Variants in ALG9 observed in about 807,000 individuals in gnomAD.
ALG9 encodes the protein alpha-1,2-mannosyltransferase ALG9.
Under a neutral mutation model 81.8 loss-of-function variants are expected in ALG9, and 55 were observed. The observed-to-expected ratio is 0.67, with a 90% CI of 0.54 to 0.84. The LOEUF is 0.84. Ranked by LOEUF, ALG9 falls within the 40% of genes least tolerant of loss-of-function variation. The pLI, the probability that ALG9 is intolerant of heterozygous loss-of-function variation, is 0.00. For missense variants in ALG9, 629 were observed against 745.0 expected (o/e 0.84, Z 1.81); for synonymous variants, 278 against 274.3 (o/e 1.01, Z -0.13).
At chr11:111,803,288 G>A (rs1591889208) in intron 14 of ALG9, among the ~76,000 whole-genome samples, 2 of 152,074 alleles carry the variant, frequency 1.3e-5, no homozygotes, top group East Asian at 3.9e-4. Flanking sequence ...GATCACTTGA[G>A]TTCAGGAGTT....
intron 5 of ALG9, among the ~76,000 whole-genome samples, chr11:111,860,284 A>T (rs1959604486): frequency 6.6e-6 from 1 of 152,214 alleles, no homozygotes; most frequent in South Asian, 2.1e-4. Context: ...AAATCATTTC[A>T]TCTACGTTTC....
At chr11:111,811,249 T>C (rs1290718639) in intron 13 of ALG9, among the ~76,000 whole-genome samples, 2 of 152,104 alleles carry the variant, frequency 1.3e-5, no homozygotes, top group Admixed American at 1.3e-4. Flanking sequence ...TAAAAAAGTA[T>C]AGAATCTTAT....
chr11:111,769,535 C>T, the ALG9 span: 1 of 151,948 alleles, frequency 6.6e-6, no homozygotes, highest in East Asian at 1.9e-4. Flanking sequence ...GGGAGGATCA[C>T]TTGAGCCTGG....
chr11:111,786,009 G>C lies in ALG9; in HGVS notation c.*388C>G. The C allele has an allele frequency of 2.2e-6, 1 of 457,184 alleles. No individual in the cohort carries two copies. The highest frequency in any genetic ancestry group is 1.5e-5 in the South Asian group (1 of 64,574). The allele number at this position is 457,184 out of a possible 1,614,324, so 28.3% of individuals were successfully genotyped here. A position where few individuals can be genotyped will look rare whatever the true frequency, so the allele number is the denominator to read the frequency against. On this transcript the variant is annotated 3_prime_UTR_variant, in exon 15 of 15. Transcript: ENST00000616540. The stretch of plus-strand genomic sequence containing the variant: ...AGGCTTGCTAGTTCTCAGATGCCAG[G>C]CCAGAGTGTGGAGAACAGCTTATCA...
At chr11:111,861,035 C>G (rs1262525924) in intron 4 of ALG9, among the ~76,000 whole-genome samples, 2 of 152,152 alleles carry the variant, frequency 1.3e-5, no homozygotes, top group South Asian at 2.1e-4. Flanking sequence ...GATAATAATA[C>G]AAACTTTGTA....
chr11:111,835,664 CATAGAAA>C (rs1433154360), intron 13 of ALG9, among the ~76,000 whole-genome samples: 8 of 152,292 alleles, frequency 5.3e-5, no homozygotes, highest in Non-Finnish European at 8.8e-5. Flanking sequence ...ATACATTTTA[CATAGAAA>C]ATAAAGAGGT....
At position 111,871,087 on chromosome 11, in the gene ALG9, G is replaced by T. The variant is rs142327552; in HGVS notation, c.131+265C>A. 282 of 1,206,120 alleles carry T rather than the reference G, an allele frequency of 2.3e-4. 2 individuals carry two copies. In the African/African-American group the frequency reaches 3.6e-3, roughly 15 times the overall value. The allele number at this position is 1,206,120 out of a possible 1,614,324, so 74.7% of individuals were successfully genotyped here. On this transcript the variant is annotated intron_variant, in intron 1 of 14. Coordinates refer to ENST00000616540, the MANE Select transcript of ALG9 (RefSeq NM_024740.2). ...CCTGTCTACATCTCCCACAGAGGCT[G>T]TGCCCACTCTAGGCCTGGCCCAGGA...
chr11:111,794,812 G>A (rs933157659), intron 14 of ALG9, among the ~76,000 whole-genome samples: 9 of 152,274 alleles, frequency 5.9e-5, no homozygotes, highest in Admixed American at 2.6e-4. Flanking sequence ...ACCTTTCAGT[G>A]AGAGATTTTC....
intron 14 of ALG9, among the ~76,000 whole-genome samples, chr11:111,804,709 A>T (rs1273093928): frequency 2.0e-5 from 3 of 152,262 alleles, no homozygotes; most frequent in Non-Finnish European, 4.4e-5. Flanking sequence ...ATATGAAAAG[A>T]TGCTCTGCAT....
At chr11:111,867,628 G>A (rs993221568) in intron 3 of ALG9, among the ~76,000 whole-genome samples, 2 of 152,170 alleles carry the variant, frequency 1.3e-5, no homozygotes. Context: ...GTGGAAGACA[G>A]AAGAAAAGAA....
Position 111,809,841 on chromosome 11 carries a change from T to C in ALG9, c.1603-68A>G, listed in dbSNP as rs1265298403. 12 of 1,571,550 alleles carry C rather than the reference T, an allele frequency of 7.6e-6. No individual in the cohort carries two copies. In the South Asian group the frequency reaches 1.0e-4, roughly 13 times the overall value. On this transcript the variant is annotated intron_variant, in intron 13 of 14. Coordinates refer to ENST00000616540, the MANE Select transcript of ALG9 (RefSeq NM_024740.2). The stretch of plus-strand genomic sequence containing the variant: ...GTCCCTTCAGGGTAGAGAACAGCAA[T>C]TGCAATCCTAAAAATTTACAGAGCT...
Position 111,870,382 on chromosome 11 carries a change from C to CCAAAA in ALG9, c.132-13_132-12insTTTTG, listed in dbSNP as rs1555157382. The CCAAAA allele has an allele frequency of 2.0e-4, 197 of 973,692 alleles. 7 individuals are homozygous for CCAAAA. The highest frequency in any genetic ancestry group is 8.6e-4 in the South Asian group (37 of 42,872). 60.3% of individuals were successfully genotyped at this position (973,692 alleles called of 1,614,324 possible). A position where few individuals can be genotyped will look rare whatever the true frequency, so the allele number is the denominator to read the frequency against. The stretch of plus-strand genomic sequence containing the variant: ...TGTTCCCAGATAACCTGTTCAAAAG[C>CCAAAA]AAAAAAAAAAAAAAAAAAAAAAGCA... On this transcript the variant is annotated splice_polypyrimidine_tract_variant and intron_variant, in intron 1 of 14. Transcript: ENST00000616540.
chr11:111,809,945 T>TG (rs1419739668), intron 13 of ALG9, among the ~76,000 whole-genome samples, 172 bp from the exon 14 acceptor site: 3 of 151,968 alleles, frequency 2.0e-5, no homozygotes, highest in East Asian at 3.9e-4. Context: ...CAGGCTCTTG[T>TG]GGGGGAGAGG....
chr11:111,797,938 C>T (rs1242078990), intron 14 of ALG9, among the ~76,000 whole-genome samples: 1 of 152,134 alleles, frequency 6.6e-6, no homozygotes, highest in Non-Finnish European at 1.5e-5. Flanking sequence ...AGAAAAGGCC[C>T]CTCTCCTGCC....
At chr11:111,852,504 A>C (rs1592296058) in intron 8 of ALG9, among the ~76,000 whole-genome samples, 1 of 151,786 alleles carries the variant, frequency 6.6e-6, no homozygotes, top group African/African-American at 2.4e-5. Flanking sequence ...CAACTTCCCC[A>C]CCCTCCCATG....
chr11:111,838,191 T>C, intron 11 of ALG9, 58 bp downstream of exon 11: 1 of 1,600,398 alleles, frequency 6.2e-7, no homozygotes, highest in South Asian at 1.1e-5. Flanking sequence ...ATGAATCAAG[T>C]AAAACCTAAG....
intron 14 of ALG9, among the ~76,000 whole-genome samples, chr11:111,806,644 A>T (rs1248276692): frequency 6.6e-6 from 1 of 152,044 alleles, no homozygotes; most frequent in Non-Finnish European, 1.5e-5. Context: ...TCCTTTGGTG[A>T]TCTCATCCAG....
intron 9 of ALG9, among the ~76,000 whole-genome samples, chr11:111,843,948 C>T (rs1402169075): frequency 6.6e-6 from 1 of 152,180 alleles, no homozygotes. Flanking sequence ...CTTAAGCAAC[C>T]TATCAGGTTA....
At chr11:111,864,244 C>T (rs1178921157) in intron 4 of ALG9, 1 of 978,276 alleles carries the variant, frequency 1.0e-6, no homozygotes. Context: ...GCCCGGCCCT[C>T]ACGTGCACCA....
Sources: allele counts gnomAD v4.1 joint callset (sites outside exome capture counted in the v4.1 genomes callset), GRCh38; gene constraint gnomAD v4.1.1; transcripts MANE v1.5; gene names NCBI Gene and HGNC (gene_info 2026-07-23, HGNC 2026-07-21).